Variants in UST observed in about 807,000 individuals in gnomAD.
UST encodes the protein chondroitin sulfate 2-O-sulfotransferase.
UST carries 21 observed loss-of-function variants against 45.6 expected under a neutral mutation model. That is an observed-to-expected ratio of 0.46 (90% CI 0.33 to 0.66). The LOEUF (loss-of-function observed/expected upper bound fraction) is 0.66. Among genes scored for constraint, UST ranks in the 30% least tolerant of loss-of-function variants. UST has a pLI of 0.02. For missense variants in UST, 463 were observed against 512.4 expected, an observed-to-expected ratio of 0.90 and a Z score of 0.93; for synonymous variants, 215 against 200.6, an observed-to-expected ratio of 1.07 and a Z score of -0.61.
intron 1 of UST, among the ~76,000 whole-genome samples, chr6:148,883,256 C>T (rs1196334282): frequency 6.6e-6 from 1 of 152,120 alleles, no homozygotes; most frequent in South Asian, 2.1e-4. Context: ...AAAGGTATGC[C>T]ATAGGACTTA....
At chr6:148,943,111 A>G (rs1282666486) in intron 3 of UST, among the ~76,000 whole-genome samples, 1 of 152,226 alleles carries the variant, frequency 6.6e-6, no homozygotes, top group East Asian at 1.9e-4. Context: ...TGCCTGAAAG[A>G]AAGGAATTAT....
intron 7 of UST, among the ~76,000 whole-genome samples, chr6:149,070,116 CT>C (rs1313445492): frequency 6.6e-6 from 1 of 152,098 alleles, no homozygotes; most frequent in Non-Finnish European, 1.5e-5. Context: ...AGGAGTCTTA[CT>C]TTTTTGTGTA....
At chr6:148,765,637 G>A (rs1392515044) in intron 1 of UST, among the ~76,000 whole-genome samples, 2 of 152,168 alleles carry the variant, frequency 1.3e-5, no homozygotes, top group Non-Finnish European at 2.9e-5. Flanking sequence ...GTAAAGACAG[G>A]CATAGGAAAT....
At chr6:149,068,697 T>G (rs1010856148) in intron 7 of UST, among the ~76,000 whole-genome samples, 1 of 152,220 alleles carries the variant, frequency 6.6e-6, no homozygotes, top group Non-Finnish European at 1.5e-5. Context: ...ATCAGGGTGT[T>G]TAGGGTATCC....
chr6:149,017,962 A>T (rs929688696), intron 5 of UST, among the ~76,000 whole-genome samples: 1 of 151,406 alleles, frequency 6.6e-6, no homozygotes, highest in African/African-American at 2.4e-5. Context: ...AGACATATGC[A>T]CCCCCCTATT....
intron 1 of UST, among the ~76,000 whole-genome samples, chr6:148,835,183 T>C (rs1281092487): frequency 6.6e-6 from 1 of 152,006 alleles, no homozygotes; most frequent in African/African-American, 2.4e-5. Flanking sequence ...AATTAAAAAA[T>C]TACAGTATAA....
chr6:148,753,226 T>C (rs1184131004), intron 1 of UST, among the ~76,000 whole-genome samples: 1 of 152,186 alleles, frequency 6.6e-6, no homozygotes, highest in African/African-American at 2.4e-5. Flanking sequence ...TGTGTAACCA[T>C]TGCCACAATT....
At chr6:148,765,172 A>C (rs1414320780) in intron 1 of UST, among the ~76,000 whole-genome samples, 2 of 152,186 alleles carry the variant, frequency 1.3e-5, no homozygotes, top group Non-Finnish European at 2.9e-5. Context: ...CCCAGATTTC[A>C]TATTGTTCAA....
intron 1 of UST, among the ~76,000 whole-genome samples, chr6:148,793,006 A>G (rs959022674): frequency 3.3e-5 from 5 of 152,206 alleles, no homozygotes; most frequent in Admixed American, 6.5e-5. Flanking sequence ...CAAGAAAAGC[A>G]AGGAGTAATT....
Position 148,941,254 on chromosome 6 carries a change from T to G in UST, c.292-25T>G, listed in dbSNP as rs1780119998. 34 of 1,612,416 alleles carry G rather than the reference T, an allele frequency of 2.1e-5. No individual in the cohort carries two copies. The East Asian group carries it at 7.6e-4, about 36-fold the overall frequency. On this transcript the variant is annotated intron_variant, in intron 2 of 7. Coordinates refer to ENST00000367463, the MANE Select transcript of UST (RefSeq NM_005715.3). ...AGTATTTCCATACAGACGTTTCATGTTTGTTCTCTTGGTTTTTTTCCCAGG... is the reference window on the plus strand; with the variant it reads ...AGTATTTCCATACAGACGTTTCATGGTTGTTCTCTTGGTTTTTTTCCCAGG...
intron 1 of UST, among the ~76,000 whole-genome samples, chr6:148,782,291 A>G (rs1418697498): frequency 6.6e-6 from 1 of 152,202 alleles, no homozygotes; most frequent in African/African-American, 2.4e-5. Context: ...GGAGTTTGGA[A>G]GAAGTTGGGA....
intron 5 of UST, among the ~76,000 whole-genome samples, chr6:148,974,737 C>A (rs1208634250): frequency 6.6e-6 from 1 of 152,188 alleles, no homozygotes. Context: ...GCAAGAAGCC[C>A]CAGCCGCCTA....
chr6:148,757,110 A>G (rs1379536930), intron 1 of UST, among the ~76,000 whole-genome samples: 3 of 152,148 alleles, frequency 2.0e-5, no homozygotes, highest in African/African-American at 7.2e-5. Context: ...CCATCCTCCC[A>G]CCTCAGCTTC....
At chr6:148,924,625 C>T (rs1871918) in intron 2 of UST, among the ~76,000 whole-genome samples, 42,186 of 152,068 alleles carry the variant, frequency 0.28, 6,845 homozygotes, top group African/African-American at 0.45. Flanking sequence ...AATTGTATCC[C>T]CAGATACGTT....
At chr6:149,003,167 C>T (rs1781584962) in intron 5 of UST, among the ~76,000 whole-genome samples, 1 of 152,038 alleles carries the variant, frequency 6.6e-6, no homozygotes, top group Admixed American at 6.5e-5. Context: ...GAACTATGGC[C>T]AATGGAACTA....
At chr6:148,749,586 G>A (rs1775949077) in intron 1 of UST, among the ~76,000 whole-genome samples, 1 of 152,200 alleles carries the variant, frequency 6.6e-6, no homozygotes, top group East Asian at 1.9e-4. Context: ...AGCTCCTAAA[G>A]TTTTGGGGTT....
rs555087847 is a variant in UST, at chr6:148,808,308, T to A, written c.247+60631T>A. ...CCAGCAAGAGCAACAGACACCCTAT[T>A]CCTCCACCCTCATAGGCGAATGTTT... On this transcript the variant is annotated intron_variant, in intron 1 of 7. Transcript: ENST00000367463. Among the ~76,000 whole-genome samples the A allele has an allele frequency of 1.2e-4, 19 of 152,324 alleles. No homozygotes were observed. The South Asian group carries it at 3.5e-3, about 28-fold the overall frequency.
Position 148,747,229 on chromosome 6 carries a change from T to C in UST, c.-202T>C. The C allele has an allele frequency of 2.0e-6, 1 of 504,324 alleles. No homozygotes were observed. Among genetic ancestry groups the C allele is most frequent in the South Asian group, 1.0e-4 (1 of 9,686 alleles). 31.2% of individuals were successfully genotyped at this position (504,324 alleles called of 1,614,324 possible). Reference sequence around the variant, plus strand: ...GCGCCCCGAACCGGGGCCGGACACCTCGGCCGCTCGGGCCGCGGCGGCGGG... The same window carrying C: ...GCGCCCCGAACCGGGGCCGGACACCCCGGCCGCTCGGGCCGCGGCGGCGGG... On this transcript the variant is annotated 5_prime_UTR_variant, in exon 1 of 8. Transcript: ENST00000367463.
At chr6:148,860,493 C>A (rs1778290024) in intron 1 of UST, among the ~76,000 whole-genome samples, 1 of 152,190 alleles carries the variant, frequency 6.6e-6, no homozygotes. Context: ...TTATTTCTTT[C>A]TCCTGCCTGA....
Sources: allele counts gnomAD v4.1 joint callset (sites outside exome capture counted in the v4.1 genomes callset), GRCh38; gene constraint gnomAD v4.1.1; transcripts MANE v1.5; gene names NCBI Gene and HGNC (gene_info 2026-07-23, HGNC 2026-07-21).